Variants in DAB2IP observed in about 807,000 individuals in gnomAD.
DAB2IP encodes the protein disabled homolog 2-interacting protein.
A neutral mutation model predicts 107.2 loss-of-function variants in DAB2IP; 28 were observed. The observed-to-expected ratio is 0.26, with a 90% CI of 0.19 to 0.36. The LOEUF is 0.36. Ranked by LOEUF, DAB2IP falls within the 10% of genes least tolerant of loss-of-function variation. The probability of loss-of-function intolerance (pLI) is 1.00; values close to 1 mark genes in which losing one functional copy is unlikely to be tolerated. For missense variants in DAB2IP, 1,400 were observed against 1,644.7 expected (o/e 0.85, Z 2.57); for synonymous variants, 755 against 706.4 (o/e 1.07, Z -1.09).
chr9:121,603,533 T>G (rs1171020219), intron 1 of DAB2IP, among the ~76,000 whole-genome samples: 1 of 151,974 alleles, frequency 6.6e-6, no homozygotes, highest in African/African-American at 2.4e-5. Flanking sequence ...GTGATAAGAG[T>G]CAGGACCTAA....
chr9:121,761,706 C>G (rs934603604), intron 6 of DAB2IP, among the ~76,000 whole-genome samples: 23 of 152,288 alleles, frequency 1.5e-4, no homozygotes, highest in African/African-American at 5.5e-4. Flanking sequence ...TCACCTTCTC[C>G]CCCAGCCTTC....
chr9:121,668,837 A>C (rs1266548693), intron 1 of DAB2IP, among the ~76,000 whole-genome samples: 2 of 152,098 alleles, frequency 1.3e-5, no homozygotes, highest in Non-Finnish European at 2.9e-5. Flanking sequence ...CATGTAAACA[A>C]AGTAAAACAT....
chr9:121,756,759 G>A (rs1284392063), intron 3 of DAB2IP, among the ~76,000 whole-genome samples: 1 of 152,250 alleles, frequency 6.6e-6, no homozygotes, highest in African/African-American at 2.4e-5. Flanking sequence ...ATTAACCCCG[G>A]AGTGGCGCCT....
At chr9:121,602,009 C>T (rs1157167825) in intron 1 of DAB2IP, among the ~76,000 whole-genome samples, 1 of 151,972 alleles carries the variant, frequency 6.6e-6, no homozygotes, top group Non-Finnish European at 1.5e-5. Context: ...CTACTCCAGG[C>T]CTGGGATCTC....
At chr9:121,761,248 C>T (rs1300003836) in intron 6 of DAB2IP, among the ~76,000 whole-genome samples, 1 of 152,234 alleles carries the variant, frequency 6.6e-6, no homozygotes, top group African/African-American at 2.4e-5. Context: ...TTACATTTGC[C>T]ACCTGCCATT....
chr9:121,662,005 A>G lies in DAB2IP; in HGVS notation c.124+10106A>G, dbSNP rs1833230041. On this transcript the variant is annotated intron_variant, in intron 1 of 15. Coordinates refer to ENST00000408936, the Ensembl canonical transcript of DAB2IP. This position sits in a 1 kb window ranked among gnomAD's most constrained non-coding sequence, Gnocchi z 4.6. ...CGAAAAAAAAAAACAAAAAAACCCA[A>G]CTCCTAAGATTACAAAAAGCAGTAA... Among the ~76,000 whole-genome samples the G allele has an allele frequency of 1.3e-5, 2 of 151,866 alleles. No homozygotes were observed. Among genetic ancestry groups the G allele is most frequent in the Non-Finnish European group, 2.9e-5 (2 of 67,950 alleles).
intron 3 of DAB2IP, among the ~76,000 whole-genome samples, chr9:121,722,676 G>A (rs1038364078): frequency 2.6e-5 from 4 of 152,084 alleles, no homozygotes; most frequent in Non-Finnish European, 5.9e-5. Flanking sequence ...GATCATAGGG[G>A]GAGTGACAGA....
chr9:121,601,991 C>T (rs1830698012), intron 1 of DAB2IP, among the ~76,000 whole-genome samples: 2 of 151,810 alleles, frequency 1.3e-5, no homozygotes, highest in Non-Finnish European at 2.9e-5. Context: ...AATGCAGATC[C>T]CTCATCTCTA....
intron 1 of DAB2IP, among the ~76,000 whole-genome samples, chr9:121,597,001 G>A (rs1310558745): frequency 6.6e-6 from 1 of 152,116 alleles, no homozygotes; most frequent in African/African-American, 2.4e-5. Context: ...CTTTGCATAT[G>A]TTTATTGGCC....
intron 3 of DAB2IP, among the ~76,000 whole-genome samples, chr9:121,710,180 G>A (rs1396528000): frequency 1.3e-5 from 2 of 152,314 alleles, no homozygotes; most frequent in South Asian, 2.1e-4. Flanking sequence ...GGTTCCAAGA[G>A]GTAAAAGTCA....
At chr9:121,773,582 AT>A in intron 12 of DAB2IP, 87 bp downstream of exon 12, 1 of 1,316,568 alleles carries the variant, frequency 7.6e-7, no homozygotes, top group Non-Finnish European at 9.7e-7. Flanking sequence ...CCTCTCGGTC[AT>A]TTCACCTCCA....
intron 3 of DAB2IP, among the ~76,000 whole-genome samples, chr9:121,725,182 T>C (rs1044574663): frequency 3.3e-5 from 5 of 152,184 alleles, no homozygotes; most frequent in Non-Finnish European, 7.3e-5. Flanking sequence ...TGTATGTGTG[T>C]GTGTGTCCAG....
At chr9:121,583,097 G>A (rs763665279) in intron 1 of DAB2IP, among the ~76,000 whole-genome samples, 5 of 152,202 alleles carry the variant, frequency 3.3e-5, no homozygotes, top group Non-Finnish European at 7.4e-5. Flanking sequence ...TTTAGAAAAC[G>A]GAGAAGCTGG....
chr9:121,606,068 T>C (rs1246472862), intron 1 of DAB2IP, among the ~76,000 whole-genome samples: 1 of 152,076 alleles, frequency 6.6e-6, no homozygotes, highest in Admixed American at 6.6e-5. Flanking sequence ...TAAGGTTGGG[T>C]GTGCTGGCTC....
At chr9:121,638,833 A>T (rs1189950242) in intron 1 of DAB2IP, among the ~76,000 whole-genome samples, 1 of 152,188 alleles carries the variant, frequency 6.6e-6, no homozygotes, top group Non-Finnish European at 1.5e-5. Context: ...CTCAAGCTGG[A>T]ATTTGGAGCT....
chr9:121,628,987 G>A (rs914162585), intron 1 of DAB2IP, among the ~76,000 whole-genome samples: 1 of 152,198 alleles, frequency 6.6e-6, no homozygotes, highest in African/African-American at 2.4e-5. Context: ...ACCTGCAAAA[G>A]GTGACAGGTG....
At chr9:121,605,268 G>T (rs951298561) in intron 1 of DAB2IP, among the ~76,000 whole-genome samples, 3 of 151,892 alleles carry the variant, frequency 2.0e-5, no homozygotes, top group African/African-American at 7.3e-5. Context: ...TGATCCACCC[G>T]CCTCAGGCTC....
chr9:121,767,274 A>G (rs553863329), intron 9 of DAB2IP, among the ~76,000 whole-genome samples: 1 of 152,358 alleles, frequency 6.6e-6, no homozygotes, highest in South Asian at 2.1e-4. Context: ...TTCTCAAAAC[A>G]TAGATTGAGC....
At chr9:121,710,094 C>T (rs570117688) in intron 3 of DAB2IP, among the ~76,000 whole-genome samples, 103 of 152,298 alleles carry the variant, frequency 6.8e-4, no homozygotes, top group African/African-American at 2.3e-3. Context: ...AAACCCAAGC[C>T]GTCTGGCTCC....
Sources: allele counts gnomAD v4.1 joint callset (sites outside exome capture counted in the v4.1 genomes callset), GRCh38; gene constraint gnomAD v4.1.1; non-coding constraint Gnocchi (gnomAD v3.1); transcripts MANE v1.5; gene names NCBI Gene and HGNC (gene_info 2026-07-23, HGNC 2026-07-21).